Variants in KCNMA1 observed in about 807,000 individuals in gnomAD.
KCNMA1 encodes potassium calcium-activated channel subfamily M alpha 1, also known as Calcium-activated potassium channel subunit alpha-1.
A neutral mutation model predicts 140.0 loss-of-function variants in KCNMA1; 29 were observed. That is an observed-to-expected ratio of 0.21 (90% CI 0.15 to 0.28). The LOEUF (loss-of-function observed/expected upper bound fraction) is 0.28, where lower values mean the gene tolerates loss of function less well. Among genes scored for constraint, KCNMA1 ranks in the 10% least tolerant of loss-of-function variants. KCNMA1 has a pLI of 1.00. For synonymous variants in KCNMA1, 612 were observed against 611.9 expected, an observed-to-expected ratio of 1.00 and a Z score of 0.00; for missense variants, 880 against 1,602.2, an observed-to-expected ratio of 0.55 and a Z score of 7.70.
chr10:77,512,497 T>C (rs2048750191), intron 1 of KCNMA1, among the ~76,000 whole-genome samples: 2 of 152,222 alleles, frequency 1.3e-5, no homozygotes, highest in African/African-American at 2.4e-5. Context: ...TATGCCTGTG[T>C]AGGAGAAAAC....
chr10:77,116,611 G>A (rs1435441776), intron 6 of KCNMA1, among the ~76,000 whole-genome samples: 1 of 152,004 alleles, frequency 6.6e-6, no homozygotes, highest in African/African-American at 2.4e-5. Flanking sequence ...TAACTGGACT[G>A]CACCACACTA....
rs544650522 is a variant in KCNMA1, at chr10:77,504,257, C to G, written c.379-100234G>C. ...ATCTCTTCTGGAAAGGGAGAGTGAG[C>G]ATGTCCCTTGCCCCATCACCCTCCA... On this transcript the variant is annotated intron_variant, in intron 1 of 27. Transcript: ENST00000286628. 3.3e-5 allele frequency among the ~76,000 whole-genome samples: 5 copies of G among 152,316 alleles called. 1 individual carries two copies. Among genetic ancestry groups the G allele is most frequent in the African/African-American group, 1.2e-4 (5 of 41,574 alleles).
chr10:77,138,565 C>G (rs530856341), intron 5 of KCNMA1, among the ~76,000 whole-genome samples: 13 of 152,336 alleles, frequency 8.5e-5, no homozygotes, highest in Non-Finnish European at 1.6e-4. Flanking sequence ...CCCCAGTCCC[C>G]CCAGGCCCCA....
At chr10:77,450,262 G>C (rs2097612420) in intron 1 of KCNMA1, among the ~76,000 whole-genome samples, 1 of 151,020 alleles carries the variant, frequency 6.6e-6, no homozygotes, top group Non-Finnish European at 1.5e-5. Flanking sequence ...TGCCATGTTG[G>C]CCAGGTTGGT....
intron 18 of KCNMA1, among the ~76,000 whole-genome samples, chr10:77,007,673 A>ATATATATATATATATATATATG (rs201799760): frequency 2.1e-5 from 3 of 142,484 alleles, no homozygotes; most frequent in Non-Finnish European, 3.1e-5. Flanking sequence ...ATATATATAT[A>ATATATATATATATATATATATG]TATGTATCAC....
intron 5 of KCNMA1, among the ~76,000 whole-genome samples, chr10:77,142,296 G>C (rs932645567): frequency 2.6e-5 from 4 of 151,614 alleles, no homozygotes; most frequent in African/African-American, 9.7e-5. Context: ...GCATGAACCT[G>C]GGAGGTGGAG....
chr10:77,479,468 T>C (rs1259359832), intron 1 of KCNMA1, among the ~76,000 whole-genome samples: 1 of 152,148 alleles, frequency 6.6e-6, no homozygotes, highest in Non-Finnish European at 1.5e-5. Context: ...GGCTCAGCCT[T>C]TACCAGCAGA....
intron 2 of KCNMA1, among the ~76,000 whole-genome samples, chr10:77,394,623 T>C (rs2154447703): frequency 6.6e-6 from 1 of 152,346 alleles, no homozygotes; most frequent in Non-Finnish European, 1.5e-5. Flanking sequence ...GAATCTGCTA[T>C]GGAACTTGGG....
chr10:76,888,425 A>T (rs2038278995), intron 27 of KCNMA1: 1 of 152,182 alleles, frequency 6.6e-6, no homozygotes, highest in Non-Finnish European at 1.5e-5. Flanking sequence ...TCTTCCTTCC[A>T]GACCAGTTAA....
intron 23 of KCNMA1, among the ~76,000 whole-genome samples, chr10:76,932,323 T>C (rs1250849268): frequency 6.6e-6 from 1 of 152,154 alleles, no homozygotes; most frequent in African/African-American, 2.4e-5. Context: ...GTATGGACAA[T>C]AGAAAGTCCT....
intron 2 of KCNMA1, among the ~76,000 whole-genome samples, chr10:77,282,793 T>C (rs2069149337): frequency 6.6e-6 from 1 of 152,136 alleles, no homozygotes; most frequent in Admixed American, 6.6e-5. Context: ...AGGATCCCCT[T>C]GAGCCCAGGA....
intron 2 of KCNMA1, among the ~76,000 whole-genome samples, chr10:77,382,089 G>T (rs947673049): frequency 6.6e-6 from 1 of 152,190 alleles, no homozygotes; most frequent in African/African-American, 2.4e-5. Flanking sequence ...ACCATCTAGG[G>T]AGGAAAAGGC....
intron 2 of KCNMA1, among the ~76,000 whole-genome samples, chr10:77,398,523 T>C (rs1201490812): frequency 2.0e-5 from 3 of 152,238 alleles, no homozygotes; most frequent in African/African-American, 7.2e-5. Context: ...ATTCATATCT[T>C]TTGCCCACTT....
At chr10:77,152,310 T>TGTGTGTGTGTG in intron 5 of KCNMA1, among the ~76,000 whole-genome samples, 1 of 93,618 alleles carries the variant, frequency 1.1e-5, no homozygotes, top group Non-Finnish European at 2.4e-5. Context: ...GTGTGTGTGT[T>TGTGTGTGTGTG]GTTGCTGTTG....
intron 23 of KCNMA1, among the ~76,000 whole-genome samples, chr10:76,918,947 CAT>C (rs3067711): frequency 0.058 from 8,500 of 146,874 alleles, 430 homozygotes; most frequent in Admixed American, 0.18. Context: ...CACACACACA[CAT>C]ATATATGTGA....
chr10:77,048,437 T>G (rs1281639942), intron 14 of KCNMA1, among the ~76,000 whole-genome samples: 1 of 152,280 alleles, frequency 6.6e-6, no homozygotes, highest in African/African-American at 2.4e-5. Context: ...CAACTAATAC[T>G]TCACAGAAAG....
intron 2 of KCNMA1, among the ~76,000 whole-genome samples, chr10:77,392,592 A>G (rs932046326): frequency 3.9e-5 from 6 of 152,228 alleles, no homozygotes; most frequent in Non-Finnish European, 7.3e-5. Context: ...ATGAACCAAC[A>G]TATGTCCAGC....
chr10:76,910,155 G>C (rs1021791655), intron 24 of KCNMA1, 59 bp from the exon 25 acceptor site: 1 of 1,590,120 alleles, frequency 6.3e-7, no homozygotes, highest in African/African-American at 1.3e-5. Context: ...ATTGAAGCCA[G>C]AGGGAGACCA....
chr10:76,948,857 T>C (rs1478679806), intron 22 of KCNMA1: 7 of 494,988 alleles, frequency 1.4e-5, no homozygotes, highest in Middle Eastern at 5.5e-4. Context: ...AGGTTTTGTA[T>C]AGGCAGGAGT....
Sources: gnomAD v4.1 joint callset for allele counts (sites outside exome capture counted in the v4.1 genomes callset) on GRCh38, gnomAD v4.1.1 for gene constraint, MANE v1.5 for transcripts, NCBI Gene and HGNC (gene_info 2026-07-23, HGNC 2026-07-21) for gene names.